The following TRABD2A variants were observed in gnomAD, a reference collection of about 807,000 sequenced individuals.
TRABD2A encodes metalloprotease TIKI1.
Under a neutral mutation model 45.6 loss-of-function variants are expected in TRABD2A, and 43 were observed. The observed-to-expected ratio is 0.94, with a 90% CI of 0.74 to 1.22. The LOEUF (loss-of-function observed/expected upper bound fraction) is 1.22. Among genes scored for constraint, TRABD2A ranks in the 50% most tolerant of loss-of-function variants. TRABD2A has a pLI of 0.00. For missense variants in TRABD2A, 642 were observed against 652.4 expected (o/e 0.98, Z 0.17); for synonymous variants, 269 against 265.0 (o/e 1.02, Z -0.15).
chr2:84,845,218 G>C lies in TRABD2A; in HGVS notation c.670-3211C>G, dbSNP rs191942492. On this transcript the variant is annotated intron_variant, in intron 2 of 6. Transcript: ENST00000409520. The stretch of plus-strand genomic sequence containing the variant: ...ATACAAAAATTAGCCAGGCATGGTG[G>C]CAGGTGCCTGTAATCCCAGCTACTT... 1.3e-5 allele frequency among the ~76,000 whole-genome samples: 2 copies of C among 152,330 alleles called. 1 individual carries two copies. The highest frequency in any genetic ancestry group is 3.9e-4 in the East Asian group (2 of 5,190).
In TRABD2A at chr2:84,841,847, GA is replaced by G; in HGVS notation, c.816+13del. On this transcript the variant is annotated intron_variant, in intron 3 of 6. Coordinates refer to ENST00000409520, the MANE Select transcript of TRABD2A (RefSeq NM_001277053.2). The stretch of plus-strand genomic sequence containing the variant: ...AAATGTGTGCTGAGCTTGGCAGGGG[GA>G]AAGGGTGCTCACCTGGGAGCTGTCA... The G allele has an allele frequency of 6.6e-7, 1 of 1,508,592 alleles. No individual in the cohort carries two copies. Among genetic ancestry groups the G allele is most frequent in the Non-Finnish European group, 8.8e-7 (1 of 1,130,584 alleles). 93.5% of individuals were successfully genotyped at this position (1,508,592 alleles called of 1,614,324 possible).
At chr2:84,837,089 T>G (rs1681542026) in intron 4 of TRABD2A, 1 of 149,024 alleles carries the variant, frequency 6.7e-6, no homozygotes, top group South Asian at 2.1e-4. Flanking sequence ...TTCCTCCCAG[T>G]TTCAAGCAGT....
chr2:84,851,528 A>C (rs916241378), intron 2 of TRABD2A, among the ~76,000 whole-genome samples: 5 of 152,178 alleles, frequency 3.3e-5, no homozygotes, highest in Non-Finnish European at 7.3e-5. Context: ...TTACCTTCTC[A>C]AGTCACTCAC....
intron 5 of TRABD2A, 35 bp from the exon 6 acceptor site, chr2:84,824,239 A>T: frequency 6.2e-7 from 1 of 1,611,168 alleles, no homozygotes; most frequent in Non-Finnish European, 8.5e-7. Context: ...TATTTGGAGG[A>T]GGGTCACACA....
chr2:84,879,222 C>T (rs1683126747), intron 1 of TRABD2A, among the ~76,000 whole-genome samples: 1 of 146,712 alleles, frequency 6.8e-6, no homozygotes, highest in East Asian at 2.0e-4. Context: ...CTCGCTCTTT[C>T]ACCCAAGCTG....
chr2:84,853,107 G>C (rs1358731385), intron 2 of TRABD2A, among the ~76,000 whole-genome samples: 2 of 152,020 alleles, frequency 1.3e-5, no homozygotes, highest in Non-Finnish European at 2.9e-5. Context: ...ATTAGGGTGG[G>C]TTCTAATCCA....
chr2:84,850,968 A>G (rs939048985), intron 2 of TRABD2A: 3 of 152,292 alleles, frequency 2.0e-5, no homozygotes, highest in African/African-American at 7.2e-5. Flanking sequence ...AGACCTTAGC[A>G]CTAACCAGGC....
chr2:84,874,828 G>A, intron 1 of TRABD2A: 1 of 203,704 alleles, frequency 4.9e-6, no homozygotes, highest in Non-Finnish European at 1.0e-5. Flanking sequence ...GATTGAGGTG[G>A]TACCTTCTGC....
At chr2:84,822,685 T>C (rs1256269587) in intron 6 of TRABD2A, among the ~76,000 whole-genome samples, 1 of 152,182 alleles carries the variant, frequency 6.6e-6, no homozygotes, top group African/African-American at 2.4e-5. Flanking sequence ...GTCAATTTAT[T>C]CCTCTGTCAA....
intron 5 of TRABD2A, among the ~76,000 whole-genome samples, chr2:84,827,054 G>A (rs939538647): frequency 1.3e-5 from 2 of 152,166 alleles, no homozygotes; most frequent in African/African-American, 4.8e-5. Context: ...AATCCCAGCT[G>A]CTGAACACAC....
chr2:84,831,190 T>TG (rs1681322347), intron 5 of TRABD2A, among the ~76,000 whole-genome samples: 1 of 142,934 alleles, frequency 7.0e-6, no homozygotes, highest in Non-Finnish European at 1.5e-5. Context: ...GATGCTCGCT[T>TG]ACAGAAAAAA....
At chr2:84,822,599 T>C (rs1681030541) in intron 6 of TRABD2A, among the ~76,000 whole-genome samples, 1 of 152,142 alleles carries the variant, frequency 6.6e-6, no homozygotes, top group Non-Finnish European at 1.5e-5. Context: ...CTTACCCAGA[T>C]CTTTCAACTC....
intron 4 of TRABD2A, chr2:84,838,129 A>G: frequency 1.5e-6 from 1 of 681,244 alleles, no homozygotes; most frequent in South Asian, 1.6e-5. Context: ...TTCTTTAAGG[A>G]TGGAGCTTTG....
At chr2:84,823,326 A>AG (rs1681049185) in intron 6 of TRABD2A, among the ~76,000 whole-genome samples, 1 of 152,176 alleles carries the variant, frequency 6.6e-6, no homozygotes, top group African/African-American at 2.4e-5. Context: ...CCATGAAGGC[A>AG]GGGCCCGTGT....
At chr2:84,828,889 C>A (rs191096923) in intron 5 of TRABD2A, among the ~76,000 whole-genome samples, 1 of 152,214 alleles carries the variant, frequency 6.6e-6, no homozygotes, top group Admixed American at 6.5e-5. Context: ...GAAGATGTGG[C>A]AATTGTGCTG....
chr2:84,870,305 C>A lies in TRABD2A; in HGVS notation c.589G>T (p.Glu197Ter). The A allele has an allele frequency of 6.2e-7, 1 of 1,614,052 alleles. No homozygotes were observed. Among genetic ancestry groups the A allele is most frequent in the Non-Finnish European group, 8.5e-7 (1 of 1,179,900 alleles). The change falls in exon 2 of 7, where the codon GAG (glutamate) becomes TAG (stop). Residue 197 changes from glutamate to a stop codon, truncating the protein, a stop_gained. Transcript: ENST00000409520. LOFTEE classifies it high-confidence loss of function. ...VLDLFLAQEA[E>*]RLRKQTGAVE... Reference sequence around the variant, plus strand: ...GCCCCAGTCTGTTTCCTCAGCCGCTCAGCCTCCTGGGCAAGGAACAGGTCT... The same window carrying A: ...GCCCCAGTCTGTTTCCTCAGCCGCTAAGCCTCCTGGGCAAGGAACAGGTCT...
At chr2:84,827,224 G>A (rs1244376684) in intron 5 of TRABD2A, among the ~76,000 whole-genome samples, 1 of 152,146 alleles carries the variant, frequency 6.6e-6, no homozygotes, top group Admixed American at 6.5e-5. Flanking sequence ...ACCCCCTTGT[G>A]CTGATAGCTT....
intron 1 of TRABD2A, among the ~76,000 whole-genome samples, chr2:84,872,534 T>TA (rs1682899376): frequency 6.6e-6 from 1 of 150,530 alleles, no homozygotes; most frequent in Admixed American, 6.6e-5. Context: ...AAGGAAGGAC[T>TA]AGAGGGAGGG....
chr2:84,844,767 G>C (rs1681830027), intron 2 of TRABD2A, among the ~76,000 whole-genome samples: 1 of 152,198 alleles, frequency 6.6e-6, no homozygotes, highest in African/African-American at 2.4e-5. Flanking sequence ...CCTGGCCCCA[G>C]GCCCAAGTCC....
Sources: allele counts gnomAD v4.1 joint callset (sites outside exome capture counted in the v4.1 genomes callset), GRCh38; gene constraint gnomAD v4.1.1; transcripts MANE v1.5; gene names NCBI Gene and HGNC (gene_info 2026-07-23, HGNC 2026-07-21).